ARHGEF3: variants seen among roughly 807,000 people sequenced by gnomAD.
ARHGEF3 encodes the protein 59.8 kDA protein.
ARHGEF3 carries 28 observed loss-of-function variants against 63.2 expected under a neutral mutation model. The observed-to-expected ratio is 0.44, with a 90% CI of 0.33 to 0.61. The LOEUF (loss-of-function observed/expected upper bound fraction) is 0.61, where lower values mean the gene tolerates loss of function less well. Ranked by LOEUF, ARHGEF3 falls within the 20% of genes least tolerant of loss-of-function variation. ARHGEF3 has a pLI of 0.03. For missense variants in ARHGEF3, 533 were observed against 659.3 expected, an observed-to-expected ratio of 0.81 and a Z score of 2.10; for synonymous variants, 266 against 254.2, an observed-to-expected ratio of 1.05 and a Z score of -0.44.
intron 2 of ARHGEF3, among the ~76,000 whole-genome samples, chr3:56,988,233 G>A (rs1043880463): frequency 2.0e-5 from 3 of 152,092 alleles, no homozygotes; most frequent in African/African-American, 7.2e-5. Context: ...TGCAACCTTC[G>A]CCTCCCAGGT....
intron 2 of ARHGEF3, among the ~76,000 whole-genome samples, chr3:56,975,305 C>T (rs1156988714): frequency 6.6e-6 from 1 of 152,040 alleles, no homozygotes; most frequent in Non-Finnish European, 1.5e-5. Context: ...GTAGTCCCAG[C>T]TACTCGGGAG....
chr3:57,007,192 AGTTT>A, intron 2 of ARHGEF3: 1 of 1,282,158 alleles, frequency 7.8e-7, no homozygotes, highest in Non-Finnish European at 1.0e-6. Context: ...ATGAATTCTC[AGTTT>A]GTTCTGGAAT....
chr3:56,786,297 C>T (rs1189996448), intron 1 of ARHGEF3, among the ~76,000 whole-genome samples: 1 of 152,214 alleles, frequency 6.6e-6, no homozygotes, highest in African/African-American at 2.4e-5. Flanking sequence ...CATCTTACCA[C>T]TCACTGAGCA....
intron 4 of ARHGEF3, among the ~76,000 whole-genome samples, chr3:56,855,597 C>T (rs1035842588): frequency 1.3e-5 from 2 of 151,564 alleles, no homozygotes; most frequent in Non-Finnish European, 2.9e-5. Context: ...GCAGGAGAAT[C>T]GCTTGAACCT....
At chr3:57,056,201 C>T (rs1262123774) in intron 1 of ARHGEF3, among the ~76,000 whole-genome samples, 1 of 151,938 alleles carries the variant, frequency 6.6e-6, no homozygotes. Flanking sequence ...TCCTGGCTAA[C>T]ATGGTGAAAC....
intron 4 of ARHGEF3, among the ~76,000 whole-genome samples, chr3:56,845,705 T>C (rs2039466059): frequency 6.6e-6 from 1 of 152,210 alleles, no homozygotes; most frequent in Non-Finnish European, 1.5e-5. Context: ...ATTCCTTCAG[T>C]CCTTGACCTT....
chr3:56,994,058 T>C (rs1701873023), intron 2 of ARHGEF3, among the ~76,000 whole-genome samples: 4 of 15,566 alleles, frequency 2.6e-4, no homozygotes, highest in African/African-American at 6.1e-4. Context: ...GAGTGAAACT[T>C]CGTCTCAAAA....
chr3:56,751,427 A>G (rs1198827696), intron 4 of ARHGEF3, 31 bp from the exon 5 acceptor site: 3 of 1,565,064 alleles, frequency 1.9e-6, no homozygotes, highest in South Asian at 1.1e-5. Flanking sequence ...ATGGAAGCAC[A>G]TGTTTAAAAT....
At chr3:57,008,376 C>A (rs1702549237) in intron 2 of ARHGEF3, among the ~76,000 whole-genome samples, 1 of 152,092 alleles carries the variant, frequency 6.6e-6, no homozygotes, top group Admixed American at 6.6e-5. Context: ...TGCAATAAAA[C>A]TCCACGTAAC....
chr3:56,981,404 G>C (rs1701322124), intron 2 of ARHGEF3, among the ~76,000 whole-genome samples: 1 of 152,172 alleles, frequency 6.6e-6, no homozygotes, highest in Admixed American at 6.5e-5. Flanking sequence ...AAGCTTTGCT[G>C]CACACTATAA....
intron 4 of ARHGEF3, among the ~76,000 whole-genome samples, chr3:56,813,132 G>A (rs1474649537): frequency 6.6e-6 from 1 of 152,200 alleles, no homozygotes; most frequent in Non-Finnish European, 1.5e-5. Context: ...ATGAAAGAGT[G>A]CCCTGCAGGA....
At chr3:56,817,063 A>G (rs2038299955) in intron 4 of ARHGEF3, among the ~76,000 whole-genome samples, 1 of 152,182 alleles carries the variant, frequency 6.6e-6, no homozygotes, top group Non-Finnish European at 1.5e-5. Flanking sequence ...CCCTAGACAT[A>G]ATCTCACATC....
intron 1 of ARHGEF3, chr3:57,079,033 G>A: frequency 3.0e-6 from 1 of 338,096 alleles, no homozygotes; most frequent in Non-Finnish European, 5.3e-6. Context: ...AGGGCCCGCC[G>A]GGGACGCCGA....
At chr3:56,847,390 C>G (rs922320259) in intron 4 of ARHGEF3, among the ~76,000 whole-genome samples, 28 of 152,200 alleles carry the variant, frequency 1.8e-4, no homozygotes, top group African/African-American at 4.1e-4. Flanking sequence ...TGTTTTTGGC[C>G]AACTGTGCTG....
intron 2 of ARHGEF3, among the ~76,000 whole-genome samples, chr3:56,769,782 C>T (rs1378138069): frequency 6.6e-6 from 1 of 152,168 alleles, no homozygotes; most frequent in East Asian, 1.9e-4. Context: ...TTAAAAGAAT[C>T]CAACCTGAGA....
intron 2 of ARHGEF3, among the ~76,000 whole-genome samples, chr3:57,021,219 A>G (rs544943783): frequency 6.6e-6 from 1 of 152,250 alleles, no homozygotes; most frequent in Non-Finnish European, 1.5e-5. Flanking sequence ...AATTCATCTC[A>G]TTACAGAGTC....
intron 4 of ARHGEF3, among the ~76,000 whole-genome samples, chr3:56,879,104 T>C (rs1459787770): frequency 1.3e-5 from 2 of 152,226 alleles, no homozygotes; most frequent in African/African-American, 4.8e-5. Context: ...CTCCCACTGA[T>C]TCTACATTAT....
At chr3:57,005,836 A>G (rs900581243) in intron 2 of ARHGEF3, among the ~76,000 whole-genome samples, 1 of 152,246 alleles carries the variant, frequency 6.6e-6, no homozygotes, top group African/African-American at 2.4e-5. Context: ...GGAAGGTTAC[A>G]TGCCCTGGAA....
At chr3:56,755,275 A>C (rs2035002747) in intron 2 of ARHGEF3, 124 bp from the exon 3 acceptor site, 3 of 1,133,068 alleles carry the variant, frequency 2.6e-6, no homozygotes, top group Non-Finnish European at 3.8e-6. Flanking sequence ...ACATTGCCAC[A>C]AGGCCTTTGG....
Sources: gnomAD v4.1 joint callset for allele counts (sites outside exome capture counted in the v4.1 genomes callset) on GRCh38, gnomAD v4.1.1 for gene constraint, MANE v1.5 for transcripts, NCBI Gene and HGNC (gene_info 2026-07-23, HGNC 2026-07-21) for gene names.